Variants in LRRC72 observed in about 807,000 individuals in gnomAD.
The protein encoded by LRRC72 is leucine rich repeat containing 72.
In LRRC72, 41 loss-of-function variants were observed where a neutral mutation model predicts 35.8. The observed-to-expected ratio is 1.15, with a 90% CI of 0.89 to 1.49. LRRC72 has a LOEUF of 1.49. LRRC72 is among the 40% of genes most tolerant of loss of function. The pLI is 0.00. For missense variants in LRRC72, 389 were observed against 330.7 expected (o/e 1.18, Z -1.37); for synonymous variants, 118 against 119.2 (o/e 0.99, Z 0.07).
At chr7:16,527,960 T>TA (rs2128333835) in intron 1 of LRRC72, among the ~76,000 whole-genome samples, 1 of 152,290 alleles carries the variant, frequency 6.6e-6, no homozygotes, top group South Asian at 2.1e-4. Flanking sequence ...CTCCCCATGC[T>TA]AGAACTGTTC....
At chr7:16,553,948 T>C (rs1782600910) in intron 3 of LRRC72, among the ~76,000 whole-genome samples, 1 of 152,196 alleles carries the variant, frequency 6.6e-6, no homozygotes, top group South Asian at 2.1e-4. Context: ...AGCTAAGACA[T>C]ATGATTTGTG....
chr7:16,570,822 A>G (rs1782931013), intron 7 of LRRC72, among the ~76,000 whole-genome samples: 1 of 152,168 alleles, frequency 6.6e-6, no homozygotes, highest in Non-Finnish European at 1.5e-5. Context: ...AAACAAACAA[A>G]CAAACAAAAA....
At chr7:16,550,331 T>C (rs1583642173) in intron 3 of LRRC72, among the ~76,000 whole-genome samples, 1 of 152,214 alleles carries the variant, frequency 6.6e-6, no homozygotes, top group Non-Finnish European at 1.5e-5. Flanking sequence ...ATCGATGTTC[T>C]TCTTAGACAA....
chr7:16,550,216 C>CA (rs1255672106), intron 3 of LRRC72, among the ~76,000 whole-genome samples: 21 of 151,040 alleles, frequency 1.4e-4, no homozygotes. Flanking sequence ...GACCCTATCT[C>CA]AAAAAAATAA....
chr7:16,531,434 A>G (rs1562735596), intron 1 of LRRC72, among the ~76,000 whole-genome samples: 1 of 152,180 alleles, frequency 6.6e-6, no homozygotes, highest in Non-Finnish European at 1.5e-5. Context: ...TAGCGTACCT[A>G]TCTTCCTCAT....
intron 4 of LRRC72, among the ~76,000 whole-genome samples, chr7:16,558,493 T>C (rs1782689473): frequency 6.6e-6 from 1 of 151,888 alleles, no homozygotes. Flanking sequence ...GCCTGTAATC[T>C]CAGCTACGTG....
rs184247323 is a variant in LRRC72 at position 16,528,086 on chromosome 7, C to T, written c.90+1044C>T. Among the ~76,000 whole-genome samples, 133 of 152,278 alleles carry T rather than the reference C, an allele frequency of 8.7e-4. 1 individual carries two copies. Among genetic ancestry groups the T allele is most frequent in the Non-Finnish European group, 2.8e-4 (19 of 68,016 alleles). On this transcript the variant is annotated intron_variant, in intron 1 of 8. Transcript: ENST00000401542. The stretch of plus-strand genomic sequence containing the variant: ...GAAATTCAGGCCTCTAAATTCAGTA[C>T]CTTTTCTGAGTGACATCCTCCACCA...
At chr7:16,541,972 A>T (rs1245990932) in intron 3 of LRRC72, among the ~76,000 whole-genome samples, 1 of 151,168 alleles carries the variant, frequency 6.6e-6, no homozygotes, top group Non-Finnish European at 1.5e-5. Context: ...CACACAGCCA[A>T]AACTTGTCCT....
intron 5 of LRRC72, among the ~76,000 whole-genome samples, chr7:16,560,547 C>T (rs1463994759): frequency 6.6e-6 from 1 of 152,056 alleles, no homozygotes; most frequent in Non-Finnish European, 1.5e-5. Flanking sequence ...ATTTGAGTCA[C>T]CTGGCCCCTG....
intron 5 of LRRC72, among the ~76,000 whole-genome samples, chr7:16,565,619 A>G (rs1007024164): frequency 6.6e-6 from 1 of 152,186 alleles, no homozygotes; most frequent in Non-Finnish European, 1.5e-5. Context: ...TATGATGTCA[A>G]AAGTGCCAGG....
At chr7:16,538,771 G>C (rs560844825) in intron 3 of LRRC72, among the ~76,000 whole-genome samples, 1 of 152,276 alleles carries the variant, frequency 6.6e-6, no homozygotes, top group African/African-American at 2.4e-5. Context: ...CACAATATCT[G>C]ATGGTTTTTA....
chr7:16,563,678 T>A (rs1263905536), intron 5 of LRRC72, among the ~76,000 whole-genome samples: 9 of 152,188 alleles, frequency 5.9e-5, no homozygotes, highest in African/African-American at 1.9e-4. Flanking sequence ...AAATGTTAAA[T>A]GTTTAATAGT....
At chr7:16,544,737 C>T (rs2128335793) in intron 3 of LRRC72, among the ~76,000 whole-genome samples, 1 of 152,210 alleles carries the variant, frequency 6.6e-6, no homozygotes, top group Non-Finnish European at 1.5e-5. Flanking sequence ...AATATTGGTG[C>T]CACAATGTTA....
At chr7:16,576,635 C>T (rs927782161) in intron 7 of LRRC72, among the ~76,000 whole-genome samples, 1 of 152,180 alleles carries the variant, frequency 6.6e-6, no homozygotes, top group African/African-American at 2.4e-5. Flanking sequence ...CTTTGGGCTT[C>T]TACCTGGCTT....
intron 3 of LRRC72, among the ~76,000 whole-genome samples, chr7:16,546,873 C>T (rs934858768): frequency 6.6e-6 from 1 of 152,186 alleles, no homozygotes; most frequent in Admixed American, 6.5e-5. Context: ...TAAAATGTAA[C>T]ACTACTTCAC....
At chr7:16,536,843 A>G (rs1238292735) in intron 2 of LRRC72, 1 of 152,234 alleles carries the variant, frequency 6.6e-6, no homozygotes, top group Non-Finnish European at 1.5e-5. Flanking sequence ...TACCTGGCAC[A>G]CAATACGTGA....
At chr7:16,534,080 A>G (rs527346031) in intron 2 of LRRC72, among the ~76,000 whole-genome samples, 2 of 152,350 alleles carry the variant, frequency 1.3e-5, no homozygotes, top group South Asian at 4.1e-4. Flanking sequence ...TTACCATTTC[A>G]TCCAGCTGTG....
chr7:16,564,662 T>C (rs2128337972), intron 5 of LRRC72, among the ~76,000 whole-genome samples: 1 of 152,340 alleles, frequency 6.6e-6, no homozygotes, highest in South Asian at 2.1e-4. Flanking sequence ...CCAGGTGTCT[T>C]CCATTGCCTG....
At chr7:16,580,212 C>T (rs1294684637) in intron 8 of LRRC72, 111 bp downstream of exon 8, 2 of 193,022 alleles carry the variant, frequency 1.0e-5, no homozygotes, top group Admixed American at 6.0e-5. Context: ...AAATGACTCA[C>T]TCTTCAATAG....
Sources: gnomAD v4.1 joint callset for allele counts (sites outside exome capture counted in the v4.1 genomes callset) on GRCh38, gnomAD v4.1.1 for gene constraint, MANE v1.5 for transcripts, NCBI Gene and HGNC (gene_info 2026-07-23, HGNC 2026-07-21) for gene names.